Variants in INPP4B observed in about 807,000 individuals in gnomAD.
INPP4B encodes the protein inositol polyphosphate-4-phosphatase type II B, also known as inositol polyphosphate 4-phosphatase type II.
A neutral mutation model predicts 122.5 loss-of-function variants in INPP4B; 55 were observed. The observed-to-expected ratio is 0.45, with a 90% CI of 0.36 to 0.56. The LOEUF (loss-of-function observed/expected upper bound fraction) is 0.56, where lower values mean the gene tolerates loss of function less well. Ranked by LOEUF, INPP4B falls within the 20% of genes least tolerant of loss-of-function variation. INPP4B has a pLI of 0.00. For synonymous variants in INPP4B, 403 were observed against 388.7 expected (o/e 1.04, Z -0.43); for missense variants, 1,000 against 1,097.7 (o/e 0.91, Z 1.26).
intron 14 of INPP4B, among the ~76,000 whole-genome samples, chr4:142,207,611 AGT>A (rs1843083830): frequency 6.6e-6 from 1 of 152,172 alleles, no homozygotes; most frequent in African/African-American, 2.4e-5. Flanking sequence ...CCACAGCATT[AGT>A]CGTTTACACG....
At chr4:142,562,559 CT>C (rs1421206135) in intron 2 of INPP4B, among the ~76,000 whole-genome samples, 6 of 152,096 alleles carry the variant, frequency 3.9e-5, no homozygotes, top group African/African-American at 1.4e-4. Flanking sequence ...CAGGAAAGTA[CT>C]TGTGGACAAG....
At chr4:142,246,057 AT>A (rs1226166280) in intron 11 of INPP4B, among the ~76,000 whole-genome samples, 3 of 50,156 alleles carry the variant, frequency 6.0e-5, no homozygotes, top group Admixed American at 2.1e-4. Context: ...CACATTATAT[AT>A]ATGTGTGTGT....
chr4:142,027,566 C>T lies in INPP4B; in HGVS notation c.*1216G>A, dbSNP rs1737393207. 1 of 152,130 alleles carries T rather than the reference C, an allele frequency of 6.6e-6. No homozygotes were observed. Among genetic ancestry groups the T allele is most frequent in the Admixed American group, 6.6e-5 (1 of 15,264 alleles). 9.4% of individuals were successfully genotyped at this position (152,130 alleles called of 1,614,324 possible). ...CTAGCATTCTCCCTCAATTTTCATG[C>T]ATATTTAGCATGGCAATTTGGAGAA... On this transcript the variant is annotated 3_prime_UTR_variant, in exon 26 of 26. Transcript: ENST00000262992.
At chr4:142,154,530 G>T (rs1402919541) in intron 17 of INPP4B, among the ~76,000 whole-genome samples, 1 of 151,992 alleles carries the variant, frequency 6.6e-6, no homozygotes, top group Non-Finnish European at 1.5e-5. Context: ...AGGGAGAGGG[G>T]GATATTTTGC....
chr4:142,812,097 T>TA (rs937925441), intron 1 of INPP4B, among the ~76,000 whole-genome samples: 3 of 152,144 alleles, frequency 2.0e-5, no homozygotes, highest in Non-Finnish European at 4.4e-5. Context: ...GCTTAAAATC[T>TA]AATGAGAGAT....
rs2152753665 is a variant in INPP4B at position 142,123,322 on chromosome 4, C to T, written c.1987G>A (p.Val663Ile). 1 of 1,612,690 alleles carries T rather than the reference C, an allele frequency of 6.2e-7. No homozygotes were observed. The highest frequency in any genetic ancestry group is 1.3e-5 in the African/African-American group (1 of 74,922). Residue 663 changes from valine (V) to isoleucine (I), a missense_variant, in exon 20 of 26, where the codon GTA becomes ATA. By Grantham distance (29) the Val-to-Ile change is conservative. Transcript: ENST00000262992. ...LQQLHTVGLI[V>I]QYEGLLSTYS... is the part of the protein sequence containing the mutation. The stretch of plus-strand genomic sequence containing the variant: ...GTACTTAGCAGTCCTTCATATTGTA[C>T]TATCAACCCCACTGTGTGAAGCTGC...
At chr4:142,594,799 C>A (rs1580454907) in intron 2 of INPP4B, among the ~76,000 whole-genome samples, 1 of 150,928 alleles carries the variant, frequency 6.6e-6, no homozygotes, top group African/African-American at 2.4e-5. Context: ...ACCAAAAATA[C>A]AAAAAATTAG....
At chr4:142,654,013 A>G (rs1419429260) in intron 2 of INPP4B, among the ~76,000 whole-genome samples, 1 of 152,232 alleles carries the variant, frequency 6.6e-6, no homozygotes, top group African/African-American at 2.4e-5. Flanking sequence ...AATGTGGCAC[A>G]TATACACCAT....
At chr4:142,214,020 T>C (rs1845991275) in intron 12 of INPP4B, among the ~76,000 whole-genome samples, 1 of 152,228 alleles carries the variant, frequency 6.6e-6, no homozygotes, top group African/African-American at 2.4e-5. Flanking sequence ...CCCAAATGTA[T>C]GGAGCCAATG....
At chr4:142,597,409 T>C (rs556438770) in intron 2 of INPP4B, among the ~76,000 whole-genome samples, 1 of 152,308 alleles carries the variant, frequency 6.6e-6, no homozygotes. Flanking sequence ...GTCTATGCTT[T>C]TCAGATAATG....
intron 1 of INPP4B, among the ~76,000 whole-genome samples, chr4:142,820,174 G>A (rs188132067): frequency 5.9e-4 from 90 of 152,176 alleles, no homozygotes; most frequent in Admixed American, 2.1e-3. Context: ...TTAGAGATTC[G>A]TCCCCACAAA....
chr4:142,345,234 T>C (rs539354315), intron 7 of INPP4B, among the ~76,000 whole-genome samples: 4 of 152,136 alleles, frequency 2.6e-5, no homozygotes, highest in Admixed American at 2.6e-4. Flanking sequence ...AAAGACATTA[T>C]ATAGCAGCAG....
At chr4:142,648,505 CA>C (rs1347997098) in intron 2 of INPP4B, among the ~76,000 whole-genome samples, 3 of 152,226 alleles carry the variant, frequency 2.0e-5, no homozygotes, top group Non-Finnish European at 2.9e-5. Context: ...AACAAGCAGA[CA>C]AGGAGATTCT....
At chr4:142,678,557 T>A (rs559168778) in intron 2 of INPP4B, among the ~76,000 whole-genome samples, 1 of 152,026 alleles carries the variant, frequency 6.6e-6, no homozygotes, top group South Asian at 2.1e-4. Flanking sequence ...TCTGAAAGAC[T>A]ATGATTCTAT....
intron 7 of INPP4B, among the ~76,000 whole-genome samples, chr4:142,382,934 G>C (rs2148880141): frequency 6.6e-6 from 1 of 151,726 alleles, no homozygotes; most frequent in South Asian, 2.1e-4. Context: ...AATAATTTAA[G>C]CATTTAATTG....
At position 142,416,451 on chromosome 4, in the gene INPP4B, T is replaced by C. The variant is rs75082355; in HGVS notation, c.137-11127A>G. 3.3e-5 allele frequency among the ~76,000 whole-genome samples: 5 copies of C among 152,270 alleles called. No individual in the cohort carries two copies. The East Asian group carries it at 9.7e-4, about 29-fold the overall frequency. On this transcript the variant is annotated intron_variant, in intron 5 of 25. Transcript: ENST00000262992. ...TGAATTTTAGGAAATGATGTCTAAATTAAGGTTAAAAATTATTTAAGTAAT... is the reference window on the plus strand; with the variant it reads ...TGAATTTTAGGAAATGATGTCTAAACTAAGGTTAAAAATTATTTAAGTAAT...
At chr4:142,335,657 A>G (rs1776325864) in intron 7 of INPP4B, among the ~76,000 whole-genome samples, 1 of 152,238 alleles carries the variant, frequency 6.6e-6, no homozygotes, top group South Asian at 2.1e-4. Flanking sequence ...CCCTTAGGAG[A>G]TAGGCAGAGT....
At chr4:142,315,005 T>C (rs960678) in intron 7 of INPP4B, among the ~76,000 whole-genome samples, 24,536 of 152,144 alleles carry the variant, frequency 0.16, 2,147 homozygotes, top group African/African-American at 0.24. Flanking sequence ...TACAGATATA[T>C]CCAGGATTTA....
chr4:142,090,474 A>G (rs1015266467), intron 23 of INPP4B, among the ~76,000 whole-genome samples: 6 of 152,016 alleles, frequency 3.9e-5, no homozygotes, highest in African/African-American at 1.4e-4. Context: ...AGTATCATTA[A>G]TAATAGCCAG....
Sources: allele counts gnomAD v4.1 joint callset (sites outside exome capture counted in the v4.1 genomes callset), GRCh38; gene constraint gnomAD v4.1.1; transcripts MANE v1.5; gene names NCBI Gene and HGNC (gene_info 2026-07-23, HGNC 2026-07-21).